The following IQSEC3 variants were observed in gnomAD, a reference collection of about 807,000 sequenced individuals.
IQSEC3 encodes the protein IQ motif and Sec7 domain ArfGEF 3.
IQSEC3 carries 50 observed loss-of-function variants against 105.4 expected under a neutral mutation model. The ratio of observed to expected loss-of-function variants is 0.47; its 90% CI spans 0.38 to 0.60. IQSEC3 has a LOEUF of 0.60. Ranked by LOEUF, IQSEC3 falls within the 20% of genes least tolerant of loss-of-function variation. The pLI is 0.00. For missense variants in IQSEC3, 1,415 were observed against 1,630.0 expected (o/e 0.87, Z 2.27); for synonymous variants, 708 against 746.0 (o/e 0.95, Z 0.83).
At chr12:70,493 C>G (rs1863271261) in intron 1 of IQSEC3, among the ~76,000 whole-genome samples, 1 of 152,266 alleles carries the variant, frequency 6.6e-6, no homozygotes. Context: ...TCTTGCTAAG[C>G]TCTGACCCCC....
At chr12:88,549 T>A (rs1863987423) in intron 1 of IQSEC3, among the ~76,000 whole-genome samples, 1 of 152,208 alleles carries the variant, frequency 6.6e-6, no homozygotes, top group African/African-American at 2.4e-5. Context: ...AGGGGGTCCC[T>A]GTGGAGATTC....
chr12:152,115 G>A lies in IQSEC3; in HGVS notation c.2154-4910G>A, dbSNP rs1458639819. On this transcript the variant is annotated intron_variant, in intron 5 of 13. Transcript: ENST00000538872. This position sits in a 1 kb window ranked among gnomAD's most constrained non-coding sequence, Gnocchi z 4.8. ...GTCCCGAGCACAGCCTTGCACACGG[G>A]GCCACTCAGTGCTCGTTGCTGAAAG... 1.3e-5 allele frequency among the ~76,000 whole-genome samples: 2 copies of A among 151,668 alleles called. No individual in the cohort carries two copies. The highest frequency in any genetic ancestry group is 2.9e-5 in the Non-Finnish European group (2 of 67,964).
Position 165,853 on chromosome 12 carries a change from T to G in IQSEC3, c.2934T>G (p.Ile978Met). 6.2e-7 allele frequency: 1 copy of G among 1,614,034 alleles called. No homozygotes were observed. Among genetic ancestry groups the G allele is most frequent in the East Asian group, 2.2e-5 (1 of 44,892 alleles). ...TCGTGGAGGACCTGAAGGAGTCCAT[T>G]GCTGAGGTGACGGAGCTGGAGCAGA... Reference protein sequence around the residue: ...QKFVEDLKESIAEVTELEQIR... With the variant: ...QKFVEDLKESMAEVTELEQIR... Residue 978 changes from isoleucine (I) to methionine (M), a missense_variant, in exon 11 of 14, where the codon ATT (isoleucine) becomes ATG (methionine). This residue lies in a region of IQSEC3 where 419 missense variants were observed against 436.2 expected (regional missense o/e 0.96). Transcript: ENST00000538872.
intron 3 of IQSEC3, among the ~76,000 whole-genome samples, chr12:129,202 T>G (rs1232216307): frequency 6.6e-6 from 1 of 152,240 alleles, no homozygotes; most frequent in Non-Finnish European, 1.5e-5. Context: ...TGTGTGGAGT[T>G]GAGCAGGTGG....
At chr12:97,254 T>G (rs1456456803) in intron 1 of IQSEC3, among the ~76,000 whole-genome samples, 1 of 152,242 alleles carries the variant, frequency 6.6e-6, no homozygotes, top group Admixed American at 6.5e-5. Context: ...AGTATTAACT[T>G]GCCTTCTGTC....
At chr12:126,464 G>A (rs1555083530) in intron 3 of IQSEC3, among the ~76,000 whole-genome samples, 2 of 152,124 alleles carry the variant, frequency 1.3e-5, no homozygotes, top group Non-Finnish European at 2.9e-5. Flanking sequence ...AAGAGAAAGT[G>A]GCCAATTGTG....
intron 1 of IQSEC3, among the ~76,000 whole-genome samples, chr12:84,106 G>A (rs897219271): frequency 1.3e-5 from 2 of 152,216 alleles, no homozygotes; most frequent in Non-Finnish European, 2.9e-5. Context: ...CTGTGGTGTG[G>A]GAAGTGCTTC....
intron 13 of IQSEC3, among the ~76,000 whole-genome samples, chr12:172,243 C>T (rs1206475562): frequency 2.6e-5 from 4 of 151,292 alleles, no homozygotes; most frequent in African/African-American, 9.7e-5. Flanking sequence ...CCCCCACACA[C>T]CCGTGTCTGG....
chr12:83,669 G>A (rs1863822367), intron 1 of IQSEC3, among the ~76,000 whole-genome samples: 2 of 143,654 alleles, frequency 1.4e-5, no homozygotes, highest in African/African-American at 5.1e-5. Flanking sequence ...TTCTGAGGGA[G>A]TTTGTGGGGA....
chr12:172,938 G>T (rs1449142921), intron 13 of IQSEC3, among the ~76,000 whole-genome samples: 1 of 152,214 alleles, frequency 6.6e-6, no homozygotes, highest in Non-Finnish European at 1.5e-5. Context: ...GGCACGGGGA[G>T]CTTCAGGGAG....
chr12:75,720 GA>G (rs1410042415), intron 1 of IQSEC3, among the ~76,000 whole-genome samples: 1 of 152,268 alleles, frequency 6.6e-6, no homozygotes, highest in Admixed American at 6.5e-5. Context: ...AATACTGGTT[GA>G]ATACATAAAC....
Position 139,335 on chromosome 12 carries a change from G to T in IQSEC3, c.1972G>T (p.Gly658Cys). ...DTLRKRLYRIGLNLFNINPDK... is the reference protein window; with the variant it reads ...DTLRKRLYRICLNLFNINPDK... Reference sequence around the variant, plus strand: ...CCTGCGCAAGCGGCTCTACCGCATCGGCCTCAACCTCTTCAACATGTAAGT... The same window carrying T: ...CCTGCGCAAGCGGCTCTACCGCATCTGCCTCAACCTCTTCAACATGTAAGT... The change falls in exon 4 of 14, where the codon GGC becomes TGC. Residue 658 changes from glycine to cysteine, a missense_variant. Coordinates refer to ENST00000538872, the MANE Select transcript of IQSEC3 (RefSeq NM_001170738.2). The T allele has an allele frequency of 6.3e-7, 1 of 1,575,790 alleles. No individual in the cohort carries two copies. Among genetic ancestry groups the T allele is most frequent in the Non-Finnish European group, 8.6e-7 (1 of 1,160,954 alleles).
intron 5 of IQSEC3, chr12:149,097 G>A (rs1866400961): frequency 6.6e-6 from 1 of 152,218 alleles, no homozygotes; most frequent in Non-Finnish European, 1.5e-5. Flanking sequence ...TCAGAGGCAG[G>A]GAACATACAT....
At chr12:99,112 C>T in intron 1 of IQSEC3, 34 bp from the exon 2 acceptor site, 1 of 1,584,238 alleles carries the variant, frequency 6.3e-7, no homozygotes, top group Non-Finnish European at 8.5e-7. Context: ...CAGCCTGCCT[C>T]AGGCGCTCTG....
intron 4 of IQSEC3, 120 bp downstream of exon 4, chr12:139,474 C>T (rs1232487336): frequency 1.3e-6 from 1 of 764,916 alleles, no homozygotes; most frequent in Non-Finnish European, 2.1e-6. Flanking sequence ...TGCCAGGGTC[C>T]TCCAGGCAGG....
Position 175,075 on chromosome 12 carries a change from T to C in IQSEC3, c.*42T>C. The C allele has an allele frequency of 7.0e-7, 1 of 1,425,516 alleles. No individual in the cohort carries two copies. Among genetic ancestry groups the C allele is most frequent in the Non-Finnish European group, 9.3e-7 (1 of 1,076,456 alleles). The allele number at this position is 1,425,516 out of a possible 1,614,324, so 88.3% of individuals were successfully genotyped here. ...CTGCTGTCCTGGGAGGGCTGGCCACTGGGGGGCCTGGGCTGCCCCTCCACT... is the reference window on the plus strand; with the variant it reads ...CTGCTGTCCTGGGAGGGCTGGCCACCGGGGGGCCTGGGCTGCCCCTCCACT... On this transcript the variant is annotated 3_prime_UTR_variant, in exon 14 of 14. Transcript: ENST00000538872.
At chr12:171,817 G>A (rs976895850) in intron 13 of IQSEC3, among the ~76,000 whole-genome samples, 1 of 152,184 alleles carries the variant, frequency 6.6e-6, no homozygotes, top group Non-Finnish European at 1.5e-5. Flanking sequence ...GCTGTCCTGG[G>A]GGAAGTGATA....
At chr12:137,418 T>TAGGGGAGGAGCGGGGAAGC (rs1865810367) in intron 3 of IQSEC3, 1 of 152,146 alleles carries the variant, frequency 6.6e-6, no homozygotes, top group African/African-American at 2.4e-5. Flanking sequence ...TTTCATTGTT[T>TAGGGGAGGAGCGGGGAAGC]ATTGTTTTAA....
At chr12:141,704 T>A (rs1197246749) in intron 5 of IQSEC3, 1 of 184,694 alleles carries the variant, frequency 5.4e-6, no homozygotes, top group African/African-American at 2.3e-5. Context: ...TTCATATCGC[T>A]GGAGGCAAAA....
Sources: gnomAD v4.1 joint callset for allele counts (sites outside exome capture counted in the v4.1 genomes callset) on GRCh38, gnomAD v4.1.1 for gene constraint, gnomAD v4.1.1 regional missense constraint, Gnocchi (gnomAD v3.1) non-coding constraint, MANE v1.5 for transcripts, NCBI Gene and HGNC (gene_info 2026-07-23, HGNC 2026-07-21) for gene names.